PLCB1: variants seen among roughly 807,000 people sequenced by gnomAD.
PLCB1 encodes the protein phospholipase C beta 1.
In PLCB1, 46 loss-of-function variants were observed where a neutral mutation model predicts 161.8. The ratio of observed to expected loss-of-function variants is 0.28; its 90% CI spans 0.22 to 0.36. The LOEUF (loss-of-function observed/expected upper bound fraction) is 0.36, where lower values mean the gene tolerates loss of function less well. Among genes scored for constraint, PLCB1 ranks in the 10% least tolerant of loss-of-function variants. PLCB1 has a pLI of 1.00. For synonymous variants in PLCB1, 517 were observed against 503.7 expected (o/e 1.03, Z -0.35); for missense variants, 1,016 against 1,472.5 (o/e 0.69, Z 5.07).
chr20:8,548,202 TTTCTTTCC>T (rs1985629102), intron 3 of PLCB1, among the ~76,000 whole-genome samples: 1 of 128,648 alleles, frequency 7.8e-6, no homozygotes, highest in African/African-American at 2.6e-5. Context: ...TTCTTCCCAT[TTTCTTTCC>T]TTCCTTCCTT....
intron 27 of PLCB1, among the ~76,000 whole-genome samples, chr20:8,782,178 A>G (rs766255592): frequency 2.8e-4 from 43 of 152,208 alleles, no homozygotes; most frequent in Non-Finnish European, 5.6e-4. Context: ...TAGAATGATC[A>G]AGATGCTTGA....
chr20:8,681,110 A>ATG (rs1990207174), intron 9 of PLCB1, among the ~76,000 whole-genome samples: 1 of 111,540 alleles, frequency 9.0e-6, no homozygotes, highest in Non-Finnish European at 1.7e-5. Flanking sequence ...ATATATATAT[A>ATG]TATATATATA....
At chr20:8,168,050 C>A (rs1362862102) in intron 2 of PLCB1, among the ~76,000 whole-genome samples, 1 of 152,084 alleles carries the variant, frequency 6.6e-6, no homozygotes, top group African/African-American at 2.4e-5. Context: ...ACAGGCTAGT[C>A]CAGCTTGCTC....
chr20:8,261,384 C>T (rs919808788), intron 2 of PLCB1, among the ~76,000 whole-genome samples: 1 of 151,974 alleles, frequency 6.6e-6, no homozygotes, highest in African/African-American at 2.4e-5. Context: ...TCACTAAGCT[C>T]CTCTAAGTGC....
chr20:8,403,696 G>C (rs978335445), intron 3 of PLCB1, among the ~76,000 whole-genome samples: 1 of 152,178 alleles, frequency 6.6e-6, no homozygotes, highest in African/African-American at 2.4e-5. Flanking sequence ...GGAAGTTGAG[G>C]CTTCAGTGAG....
At chr20:8,564,569 T>C (rs1277682604) in intron 3 of PLCB1, among the ~76,000 whole-genome samples, 1 of 151,872 alleles carries the variant, frequency 6.6e-6, no homozygotes, top group East Asian at 1.9e-4. Flanking sequence ...TGGGAGAAAA[T>C]TTTTGCAGTG....
At chr20:8,196,612 C>T (rs6118104) in intron 2 of PLCB1, among the ~76,000 whole-genome samples, 3,803 of 151,092 alleles carry the variant, frequency 0.025, 182 homozygotes, top group African/African-American at 0.087. Flanking sequence ...TGGTCAAGTA[C>T]TCCTTCTGTC....
chr20:8,401,928 A>G (rs1032952450), intron 3 of PLCB1, among the ~76,000 whole-genome samples: 3 of 152,150 alleles, frequency 2.0e-5, no homozygotes, highest in African/African-American at 7.2e-5. Flanking sequence ...TATCTATTTT[A>G]TGTTACTCTA....
intron 3 of PLCB1, among the ~76,000 whole-genome samples, chr20:8,554,639 G>A (rs577106344): frequency 6.6e-6 from 1 of 152,208 alleles, no homozygotes; most frequent in African/African-American, 2.4e-5. Context: ...ACATTCCAGA[G>A]AGAGGAAGTG....
chr20:8,638,593 G>A (rs1250694092), intron 4 of PLCB1, among the ~76,000 whole-genome samples: 2 of 152,098 alleles, frequency 1.3e-5, no homozygotes, highest in Non-Finnish European at 2.9e-5. Context: ...GAATAGAAAT[G>A]CTGAAAATAG....
chr20:8,583,997 G>A (rs1013593790), intron 3 of PLCB1, among the ~76,000 whole-genome samples: 3 of 151,834 alleles, frequency 2.0e-5, no homozygotes, highest in Non-Finnish European at 2.9e-5. Context: ...GTGTTTCCGG[G>A]GCAAAAATGA....
intron 2 of PLCB1, among the ~76,000 whole-genome samples, chr20:8,241,711 A>G (rs1174695069): frequency 2.0e-5 from 3 of 151,606 alleles, no homozygotes; most frequent in South Asian, 2.1e-4. Context: ...ATAACACATC[A>G]ACTAGTATAC....
intron 3 of PLCB1, among the ~76,000 whole-genome samples, chr20:8,526,937 A>T (rs1399266274): frequency 7.8e-6 from 1 of 127,686 alleles, no homozygotes; most frequent in African/African-American, 2.8e-5. Context: ...TTTAATAAAG[A>T]GCAGAGCAAA....
intron 31 of PLCB1, among the ~76,000 whole-genome samples, chr20:8,817,864 C>A (rs918645458): frequency 1.3e-5 from 2 of 152,020 alleles, no homozygotes; most frequent in Non-Finnish European, 2.9e-5. Flanking sequence ...GAGTAAAAAG[C>A]AACTGACTAA....
Position 8,467,289 on chromosome 20 carries a change from T to G in PLCB1, c.246+95839T>G, listed in dbSNP as rs553471968. The stretch of plus-strand genomic sequence containing the variant: ...TATTTTGCCAAATGCCTTCCTGAAG[T>G]CAACACACATTGTATTTATGATTTT... On this transcript the variant is annotated intron_variant, in intron 3 of 31. Transcript: ENST00000338037. 2.0e-5 allele frequency among the ~76,000 whole-genome samples: 3 copies of G among 152,274 alleles called. No individual in the cohort carries two copies. The East Asian group carries it at 5.8e-4, about 29-fold the overall frequency.
At chr20:8,609,284 A>G (rs936983386) in intron 3 of PLCB1, among the ~76,000 whole-genome samples, 10 of 152,186 alleles carry the variant, frequency 6.6e-5, no homozygotes, top group South Asian at 4.1e-4. Context: ...TGTCATAACT[A>G]TACATTTCCC....
At chr20:8,398,958 AGTTTTT>A (rs916307314) in intron 3 of PLCB1, among the ~76,000 whole-genome samples, 1 of 151,036 alleles carries the variant, frequency 6.6e-6, no homozygotes, top group African/African-American at 2.4e-5. Flanking sequence ...CTGCCTTGTA[AGTTTTT>A]GTTTTTATTT....
chr20:8,329,416 G>A (rs550253886), intron 2 of PLCB1, among the ~76,000 whole-genome samples: 10 of 151,544 alleles, frequency 6.6e-5, no homozygotes, highest in Admixed American at 5.3e-4. Flanking sequence ...GCCTCCCAAA[G>A]TGTTGGGATG....
intron 3 of PLCB1, among the ~76,000 whole-genome samples, chr20:8,524,917 G>A (rs894343633): frequency 6.6e-6 from 1 of 152,172 alleles, no homozygotes; most frequent in Non-Finnish European, 1.5e-5. Flanking sequence ...CCACAGCTGG[G>A]AACATTACTG....
Sources: gnomAD v4.1 joint callset for allele counts (sites outside exome capture counted in the v4.1 genomes callset) on GRCh38, gnomAD v4.1.1 for gene constraint, MANE v1.5 for transcripts, NCBI Gene and HGNC (gene_info 2026-07-23, HGNC 2026-07-21) for gene names.